Variants in FRMPD4 observed in about 807,000 individuals in gnomAD.
The protein encoded by FRMPD4 is FERM and PDZ domain-containing protein 4.
FRMPD4 carries 22 observed loss-of-function variants against 94.1 expected under a neutral mutation model. The ratio of observed to expected loss-of-function variants is 0.23; its 90% CI spans 0.17 to 0.33. FRMPD4 has a LOEUF of 0.33. Ranked by LOEUF, FRMPD4 falls within the 10% of genes least tolerant of loss-of-function variation. FRMPD4 has a pLI of 1.00. For synonymous variants in FRMPD4, 631 were observed against 548.6 expected (o/e 1.15, Z -2.10); for missense variants, 1,111 against 1,339.9 (o/e 0.83, Z 2.67).
At chrX:12,421,822 A>G (rs1361494589) in intron 1 of FRMPD4, among the ~76,000 whole-genome samples, 1 of 108,532 alleles carries the variant, frequency 9.2e-6, no homozygotes, top group African/African-American at 3.4e-5. Context: ...AGTTGATCAC[A>G]TAAGGAGACC....
At chrX:12,105,196 C>A (rs1005154716) in intron 3 of FRMPD4, among the ~76,000 whole-genome samples, 1 of 111,916 alleles carries the variant, frequency 8.9e-6, no homozygotes, top group African/African-American at 3.2e-5. Context: ...TCTCCACTTT[C>A]GTTGATTGAG....
chrX:12,445,556 C>G (rs1221345077), intron 1 of FRMPD4, among the ~76,000 whole-genome samples: 1 of 112,330 alleles, frequency 8.9e-6, no homozygotes. Flanking sequence ...CTCTCTATTC[C>G]TGACAACAAA....
At chrX:12,532,109 A>C (rs140760398) in intron 2 of FRMPD4, among the ~76,000 whole-genome samples, 140 of 112,056 alleles carry the variant, frequency 1.2e-3, no homozygotes, top group Non-Finnish European at 2.0e-3. Flanking sequence ...CAAAAGCAGC[A>C]GGCATGGGTC....
chrX:12,321,747 G>A (rs1008029387), intron 1 of FRMPD4, among the ~76,000 whole-genome samples: 3 of 112,007 alleles, frequency 2.7e-5, no homozygotes, highest in African/African-American at 9.8e-5. Flanking sequence ...GGGGAGTTTA[G>A]TGACAAGCAG....
intron 3 of FRMPD4, among the ~76,000 whole-genome samples, chrX:11,928,097 AACAG>A (rs746655049): frequency 8.9e-6 from 1 of 112,636 alleles, no homozygotes; most frequent in Non-Finnish European, 1.9e-5. Context: ...AAAGGGCATG[AACAG>A]ACACTTTTCA....
chrX:12,671,341 C>T (rs1424887308), intron 4 of FRMPD4, among the ~76,000 whole-genome samples: 5 of 111,778 alleles, frequency 4.5e-5, no homozygotes, highest in Non-Finnish European at 9.4e-5. Context: ...AACCCAAATG[C>T]CCATCAATGA....
At chrX:12,233,977 ATTATTTATTTAT>A (rs111441692) in intron 1 of FRMPD4, among the ~76,000 whole-genome samples, 4 of 103,223 alleles carry the variant, frequency 3.9e-5, no homozygotes, top group Admixed American at 1.1e-4. Flanking sequence ...GAATGAATGA[ATTATTTATTTAT>A]TTATTTATTT....
intron 3 of FRMPD4, among the ~76,000 whole-genome samples, chrX:12,103,613 A>G (rs2055272606): frequency 8.9e-6 from 1 of 112,096 alleles, no homozygotes; most frequent in Non-Finnish European, 1.9e-5. Flanking sequence ...AAACAGGGGC[A>G]GTCAAACTCT....
rs1238254544 is a variant in FRMPD4 at position 11,868,857 on chromosome X, G to A, written c.-30+3641G>A. Among the ~76,000 whole-genome samples, 8 of 112,625 alleles carry A rather than the reference G, an allele frequency of 7.1e-5. No individual in the cohort carries two copies. In the Admixed American group the frequency reaches 7.5e-4, roughly 11 times the overall value. ...TGGAACACAGAAATGCTCACTCATTGCTGTAGTGCCTTATGCACTATAACA... is the reference window on the plus strand; with the variant it reads ...TGGAACACAGAAATGCTCACTCATTACTGTAGTGCCTTATGCACTATAACA... On this transcript the variant is annotated intron_variant, in intron 2 of 18. Coordinates refer to the FRMPD4 transcript ENST00000640291.
upstream of FRMPD4, among the ~76,000 whole-genome samples, chrX:12,136,761 A>G (rs929012234): frequency 6.3e-5 from 7 of 110,418 alleles, no homozygotes; most frequent in African/African-American, 2.3e-4. Flanking sequence ...AGTTGAGGTA[A>G]GAAAGATCAA....
chrX:12,202,146 A>G (rs2056638055), intron 1 of FRMPD4, among the ~76,000 whole-genome samples: 1 of 111,372 alleles, frequency 9.0e-6, no homozygotes, highest in Admixed American at 9.5e-5. Context: ...TGGCCCACAC[A>G]TACAATATAG....
At chrX:12,613,874 G>C (rs2059208282) in intron 3 of FRMPD4, 1 of 112,919 alleles carries the variant, frequency 8.9e-6, no homozygotes, top group Non-Finnish European at 1.9e-5. Flanking sequence ...CTTCTGGGGA[G>C]GCTGAGGCAG....
chrX:12,279,635 C>T (rs958045806), intron 1 of FRMPD4, among the ~76,000 whole-genome samples: 1 of 111,550 alleles, frequency 9.0e-6, no homozygotes, highest in African/African-American at 3.3e-5. Context: ...GACACTTTGC[C>T]TGGAATCTCT....
At position 12,717,515 on chromosome X, in the gene FRMPD4, C is replaced by A; in HGVS notation, c.2689C>A (p.Arg897=). 5 of 1,190,416 alleles carry A rather than the reference C, an allele frequency of 4.2e-6. No homozygotes were observed. Among genetic ancestry groups the A allele is most frequent in the Non-Finnish European group, 5.7e-6 (5 of 876,894 alleles). ...TSDNSGVAIL[R]AYSPESSSDS... ...ACGGCATGCAGGTGTAGCCATCTTG[C>A]GGGCTTATAGTCCTGAGTCTTCGTC... Residue 897 remains arginine (R), a synonymous_variant, in exon 16 of 17, where the codon CGG becomes AGG. Transcript: ENST00000675598.
intron 2 of FRMPD4, among the ~76,000 whole-genome samples, chrX:12,565,490 A>C (rs898062061): frequency 2.7e-5 from 3 of 112,408 alleles, no homozygotes; most frequent in African/African-American, 9.7e-5. Flanking sequence ...TATTCTTTAC[A>C]AAAATCCATA....
intron 4 of FRMPD4, among the ~76,000 whole-genome samples, chrX:12,618,883 T>G (rs1228532821): frequency 8.9e-6 from 1 of 111,742 alleles, no homozygotes; most frequent in Non-Finnish European, 1.9e-5. Flanking sequence ...CTCCCTAAAG[T>G]TAGTCCCAGT....
intron 1 of FRMPD4, among the ~76,000 whole-genome samples, chrX:12,289,868 G>C (rs2054658648): frequency 8.9e-6 from 1 of 112,176 alleles, no homozygotes; most frequent in Non-Finnish European, 1.9e-5. Flanking sequence ...AGTATTTCCT[G>C]AGAGGGGTTT....
chrX:12,229,803 C>T (rs2056963916), intron 1 of FRMPD4, among the ~76,000 whole-genome samples: 1 of 111,939 alleles, frequency 8.9e-6, no homozygotes, highest in African/African-American at 3.2e-5. Flanking sequence ...ATGTCTATGC[C>T]AGCTGCTTCC....
At chrX:12,447,976 G>A (rs1362527949) in intron 1 of FRMPD4, among the ~76,000 whole-genome samples, 1 of 111,959 alleles carries the variant, frequency 8.9e-6, no homozygotes, top group African/African-American at 3.3e-5. Context: ...AACATGCTTT[G>A]GATTTAGGTG....
Sources: allele counts gnomAD v4.1 joint callset (sites outside exome capture counted in the v4.1 genomes callset), GRCh38; gene constraint gnomAD v4.1.1; transcripts MANE v1.5; gene names NCBI Gene and HGNC (gene_info 2026-07-23, HGNC 2026-07-21).